NPAS2: variants seen among roughly 807,000 people sequenced by gnomAD.
NPAS2 encodes neuronal PAS domain protein 2.
Under a neutral mutation model 107.5 loss-of-function variants are expected in NPAS2, and 23 were observed. The ratio of observed to expected loss-of-function variants is 0.21; its 90% confidence interval spans 0.15 to 0.30. The LOEUF (loss-of-function observed/expected upper bound fraction) is 0.30. Ranked by LOEUF, NPAS2 falls within the 10% of genes least tolerant of loss-of-function variation. The pLI is 1.00. For synonymous variants in NPAS2, 403 were observed against 417.5 expected, an observed-to-expected ratio of 0.97 and a Z score of 0.42; for missense variants, 756 against 1,043.3, an observed-to-expected ratio of 0.72 and a Z score of 3.79.
At chr2:100,842,802 A>G (rs1462049546) in intron 1 of NPAS2, among the ~76,000 whole-genome samples, 3 of 152,182 alleles carry the variant, frequency 2.0e-5, no homozygotes, top group Non-Finnish European at 4.4e-5. Context: ...TCTTTTAGCA[A>G]AGACATTCAG....
chr2:100,908,844 G>A (rs1055896147), intron 2 of NPAS2, among the ~76,000 whole-genome samples: 3 of 152,180 alleles, frequency 2.0e-5, no homozygotes, highest in Non-Finnish European at 4.4e-5. Flanking sequence ...TTGTTCATGA[G>A]AATCAAAAGT....
intron 1 of NPAS2, among the ~76,000 whole-genome samples, chr2:100,875,010 A>G (rs13387032): frequency 0.03 from 4,617 of 152,286 alleles, 116 homozygotes; most frequent in African/African-American, 0.057. Context: ...AATCCAAGAC[A>G]TACAACAGGT....
At chr2:100,908,807 G>A (rs1209590746) in intron 2 of NPAS2, among the ~76,000 whole-genome samples, 1 of 152,188 alleles carries the variant, frequency 6.6e-6, no homozygotes, top group Admixed American at 6.5e-5. Flanking sequence ...ACGGAGAGTA[G>A]AAGGGGAGTT....
Position 100,995,884 on chromosome 2 carries a change from ATCTCG to A in NPAS2, c.*303_*307del. 2.0e-6 allele frequency: 3 copies of A among 1,470,060 alleles called. No homozygotes were observed. The South Asian group carries it at 3.6e-5, about 18-fold the overall frequency. The allele number at this position is 1,470,060 out of a possible 1,614,324, so 91.1% of individuals were successfully genotyped here. On this transcript the variant is annotated 3_prime_UTR_variant, in exon 21 of 21. Transcript: ENST00000335681. The stretch of plus-strand genomic sequence containing the variant: ...GTCGGTTTGCCGTCAGAGATGGCGC[ATCTCG>A]CTGCATCCCCCGAGAGTACACCGGT...
intron 1 of NPAS2, among the ~76,000 whole-genome samples, chr2:100,835,909 T>C (rs1411263472): frequency 6.6e-6 from 1 of 152,262 alleles, no homozygotes; most frequent in Admixed American, 6.5e-5. Flanking sequence ...CTCAATGTAA[T>C]ATAAAGGAAA....
At chr2:100,892,756 G>C (rs1207563213) in intron 1 of NPAS2, among the ~76,000 whole-genome samples, 1 of 152,134 alleles carries the variant, frequency 6.6e-6, no homozygotes, top group Non-Finnish European at 1.5e-5. Flanking sequence ...GTCTCGCTCT[G>C]TCGCCCAGGC....
At chr2:100,909,806 A>G (rs1355839012) in intron 2 of NPAS2, among the ~76,000 whole-genome samples, 1 of 151,946 alleles carries the variant, frequency 6.6e-6, no homozygotes, top group Admixed American at 6.6e-5. Flanking sequence ...AGGACATGCG[A>G]TTCGTGTATA....
intron 1 of NPAS2, among the ~76,000 whole-genome samples, chr2:100,881,278 C>T (rs928642482): frequency 1.3e-5 from 2 of 152,230 alleles, no homozygotes; most frequent in East Asian, 1.9e-4. Flanking sequence ...CCACAGCATC[C>T]GCCTCACCTG....
Position 100,996,699 on chromosome 2 carries a change from T to G in NPAS2, c.*1117T>G, listed in dbSNP as rs991671542. 6.6e-6 allele frequency: 1 copy of G among 152,646 alleles called. No individual in the cohort carries two copies. The highest frequency in any genetic ancestry group is 2.1e-4 in the South Asian group (1 of 4,836). The allele number at this position is 152,646 out of a possible 1,614,324, so 9.5% of individuals were successfully genotyped here. Reference sequence around the variant, plus strand: ...GACCTATTTCTATATAAAATAAAATTGTATGGCTTATGTGTAAATTATTTT... The same window carrying G: ...GACCTATTTCTATATAAAATAAAATGGTATGGCTTATGTGTAAATTATTTT... On this transcript the variant is annotated 3_prime_UTR_variant, in exon 21 of 21. Coordinates refer to ENST00000335681, the MANE Select transcript of NPAS2 (RefSeq NM_002518.4).
At position 100,824,854 on chromosome 2, in the gene NPAS2, A is replaced by G. The variant is rs567926557; in HGVS notation, c.-23+4440A>G. On this transcript the variant is annotated intron_variant, in intron 1 of 20. Transcript: ENST00000335681. ...TCCCTGAAAGTAAATCTTGAAAACC[A>G]AGTTCTAAGAGAATGGCAATGGCAG... Among the ~76,000 whole-genome samples, 15 of 152,340 alleles carry G rather than the reference A, an allele frequency of 9.8e-5. 1 individual carries two copies. The South Asian group carries it at 3.1e-3, about 32-fold the overall frequency.
At chr2:100,911,937 T>A (rs1271129833) in intron 2 of NPAS2, among the ~76,000 whole-genome samples, 1 of 152,214 alleles carries the variant, frequency 6.6e-6, no homozygotes, top group Non-Finnish European at 1.5e-5. Flanking sequence ...CGGCTTCCAG[T>A]CAGTTTTAAT....
At chr2:100,855,008 G>C (rs1371045835) in intron 1 of NPAS2, among the ~76,000 whole-genome samples, 1 of 152,150 alleles carries the variant, frequency 6.6e-6, no homozygotes, top group East Asian at 1.9e-4. Flanking sequence ...TTGATTATAT[G>C]TTGAAATAAC....
intron 1 of NPAS2, among the ~76,000 whole-genome samples, chr2:100,859,177 C>T (rs573604149): frequency 3.3e-5 from 5 of 152,292 alleles, no homozygotes; most frequent in African/African-American, 1.2e-4. Flanking sequence ...GCATGAGAAT[C>T]GCCTGAACCC....
chr2:100,988,704 C>G (rs1221848433), intron 17 of NPAS2: 1 of 333,584 alleles, frequency 3.0e-6, no homozygotes, highest in South Asian at 2.3e-5. Flanking sequence ...TTCACTGTCC[C>G]TTGCCCCAGG....
intron 1 of NPAS2, among the ~76,000 whole-genome samples, chr2:100,834,762 T>C (rs1676954113): frequency 6.6e-6 from 1 of 152,132 alleles, no homozygotes; most frequent in Non-Finnish European, 1.5e-5. Flanking sequence ...TGATGTGATA[T>C]TGGCTCATTG....
At chr2:100,995,174 A>G (rs1161458855) in intron 20 of NPAS2, 3 of 470,432 alleles carry the variant, frequency 6.4e-6, no homozygotes, top group Non-Finnish European at 1.1e-5. Context: ...AGGTGCCCCC[A>G]CTATTGGCGG....
chr2:100,845,419 A>C (rs1677714619), intron 1 of NPAS2, among the ~76,000 whole-genome samples: 1 of 152,180 alleles, frequency 6.6e-6, no homozygotes, highest in Non-Finnish European at 1.5e-5. Context: ...TGGTCTGCCC[A>C]TTGTCCATTT....
rs568993683 is a variant in NPAS2 at position 100,945,088 on chromosome 2, C to T, written c.364-3147C>T. ...GGCTTAAAATAAAACCAGGAACATC[C>T]GAAGAAACTTGGAGAAAGCCAGAAT... On this transcript the variant is annotated intron_variant, in intron 5 of 20. Transcript: ENST00000335681. Among the ~76,000 whole-genome samples, 14 of 152,254 alleles carry T rather than the reference C, an allele frequency of 9.2e-5. No homozygotes were observed. In the South Asian group the frequency reaches 1.0e-3, roughly 11 times the overall value.
At chr2:100,933,498 A>AG (rs1487062944) in intron 4 of NPAS2, among the ~76,000 whole-genome samples, 1 of 152,200 alleles carries the variant, frequency 6.6e-6, no homozygotes, top group African/African-American at 2.4e-5. Flanking sequence ...TATCAGCCAC[A>AG]GGGATCCCGT....
Sources: allele counts gnomAD v4.1 joint callset (sites outside exome capture counted in the v4.1 genomes callset), GRCh38; gene constraint gnomAD v4.1.1; transcripts MANE v1.5; gene names NCBI Gene and HGNC (gene_info 2026-07-23, HGNC 2026-07-21).